Variants in PGBD1 observed in about 807,000 individuals in gnomAD.
PGBD1 encodes the protein piggyBac transposable element derived 1.
Under a neutral mutation model 34.7 loss-of-function variants are expected in PGBD1, and 25 were observed. That is an observed-to-expected ratio of 0.72 (90% CI 0.52 to 1.00). The LOEUF (loss-of-function observed/expected upper bound fraction) is 1.00. Ranked by LOEUF, PGBD1 falls within the 50% of genes least tolerant of loss-of-function variation. The pLI, the probability that PGBD1 is intolerant of heterozygous loss-of-function variation, is 0.00. For synonymous variants in PGBD1, 292 were observed against 335.7 expected (o/e 0.87, Z 1.42); for missense variants, 830 against 959.4 (o/e 0.87, Z 1.78).
At chr6:28,284,700 T>C (rs976456449) in intron 2 of PGBD1, among the ~76,000 whole-genome samples, 3 of 152,134 alleles carry the variant, frequency 2.0e-5, no homozygotes, top group Non-Finnish European at 4.4e-5. Flanking sequence ...TAATTTTTTG[T>C]AGCGGGGGTG....
intron 6 of PGBD1, among the ~76,000 whole-genome samples, chr6:28,298,247 G>A (rs1168285071): frequency 6.6e-6 from 1 of 152,092 alleles, no homozygotes; most frequent in African/African-American, 2.4e-5. Flanking sequence ...TGTCCTGCTT[G>A]ATTACCCTTC....
rs373974314 is a variant in PGBD1, at chr6:28,282,349, C to G, written c.-39+431C>G. Among the ~76,000 whole-genome samples, 26 of 152,268 alleles carry G rather than the reference C, an allele frequency of 1.7e-4. No individual in the cohort carries two copies. In the South Asian group the frequency reaches 2.1e-3, roughly 12 times the overall value. On this transcript the variant is annotated intron_variant, in intron 1 of 6. Transcript: ENST00000682144. ...GTTGATTGAGTGACAAACAAATCAGCAAAACCCAGTAAAGATTAGATCCTG... is the reference window on the plus strand; with the variant it reads ...GTTGATTGAGTGACAAACAAATCAGGAAAACCCAGTAAAGATTAGATCCTG...
intron 4 of PGBD1, among the ~76,000 whole-genome samples, chr6:28,294,878 G>C (rs6905368): frequency 0.15 from 22,747 of 152,226 alleles, 1,968 homozygotes; most frequent in South Asian, 0.24. Context: ...GGATCAAGGA[G>C]TAATTTTGAC....
At chr6:28,297,816 G>GTGTTTTT in intron 5 of PGBD1, 79 bp from the exon 6 acceptor site, 1 of 347,644 alleles carries the variant, frequency 2.9e-6, no homozygotes. Flanking sequence ...TACCCTGGAA[G>GTGTTTTT]TTTTTTTTTT....
At position 28,301,663 on chromosome 6, in the gene PGBD1, T is replaced by G; in HGVS notation, c.1809T>G (p.Gly603=). ...ATGAGGATCCTGATCTTGGGTTAGGTGGAAATCTAGTGATGAACTTCGCTG... is the reference window on the plus strand; with the variant it reads ...ATGAGGATCCTGATCTTGGGTTAGGGGGAAATCTAGTGATGAACTTCGCTG... ...KVDEDPDLGL[G]GNLVMNFADV... is the part of the protein sequence containing the mutation. The change falls in exon 7 of 7, where the codon GGT becomes GGG. Residue 603 remains glycine (G), a synonymous_variant. Transcript: ENST00000682144. The G allele has an allele frequency of 6.2e-7, 1 of 1,614,152 alleles. No individual in the cohort carries two copies. The highest frequency in any genetic ancestry group is 1.1e-5 in the South Asian group (1 of 91,080).
In PGBD1 at chr6:28,301,147, A is replaced by G. The variant is rs1380105735; in HGVS notation, c.1293A>G (p.Thr431=). 6.2e-7 allele frequency: 1 copy of G among 1,614,088 alleles called. No individual in the cohort carries two copies. Among genetic ancestry groups the G allele is most frequent in the Non-Finnish European group, 8.5e-7 (1 of 1,180,032 alleles). The change falls in exon 7 of 7, where the codon ACA becomes ACG. Residue 431 remains threonine (T), a synonymous_variant. Coordinates refer to ENST00000682144, the MANE Select transcript of PGBD1 (RefSeq NM_032507.4). ...ELFELFFDDE[T]FNLIVNETNN... ...TTGAATTATTTTTTGATGATGAAACATTCAACTTAATTGTCAATGAAACCA... is the reference window on the plus strand; with the variant it reads ...TTGAATTATTTTTTGATGATGAAACGTTCAACTTAATTGTCAATGAAACCA...
At chr6:28,284,432 C>G (rs1581627522) in intron 2 of PGBD1, among the ~76,000 whole-genome samples, 1 of 148,156 alleles carries the variant, frequency 6.7e-6, no homozygotes, top group African/African-American at 2.6e-5. Flanking sequence ...TCCCCCCCCC[C>G]AAGATGCATA....
In PGBD1 at chr6:28,300,679, A is replaced by G. The variant is rs1463452287; in HGVS notation, c.870-45A>G. 2.6e-6 allele frequency: 4 copies of G among 1,562,190 alleles called. No homozygotes were observed. The highest frequency in any genetic ancestry group is 3.5e-6 in the Non-Finnish European group (4 of 1,156,212). On this transcript the variant is annotated intron_variant, in intron 6 of 6. Transcript: ENST00000682144. This position sits in a 1 kb window ranked among gnomAD's most constrained non-coding sequence, Gnocchi z 4.0. ...CAGCAGATTTATCATGTGTGAGAGAATATGATTGAGGATTTTTATAACATG... is the reference window on the plus strand; with the variant it reads ...CAGCAGATTTATCATGTGTGAGAGAGTATGATTGAGGATTTTTATAACATG...
chr6:28,295,466 C>T (rs1762597584), intron 4 of PGBD1, among the ~76,000 whole-genome samples: 1 of 152,056 alleles, frequency 6.6e-6, no homozygotes, highest in Non-Finnish European at 1.5e-5. Context: ...AAGAGTCAAT[C>T]AAGGTGGCCA....
chr6:28,287,092 A>G lies in PGBD1; in HGVS notation c.566A>G (p.His189Arg). ...NPQEVSGPVP[H>R]GSAHLQEKNP... ...TCTCTCTCTGCAGGGCCTGTTCCCC[A>G]CGGATCAGCTCATCTCCAGGAAAAA... The change falls in exon 4 of 7, where the codon CAC becomes CGC. Residue 189 changes from histidine (H) to arginine (R), a missense_variant. Around this residue, in one of 3 missense-constraint regions of PGBD1, gnomAD observed 457 missense variants for 515.4 expected, o/e 0.89. Coordinates refer to ENST00000682144, the MANE Select transcript of PGBD1 (RefSeq NM_032507.4). 6.2e-7 allele frequency: 1 copy of G among 1,613,968 alleles called. No individual in the cohort carries two copies. The highest frequency in any genetic ancestry group is 8.5e-7 in the Non-Finnish European group (1 of 1,179,860).
At chr6:28,298,014 G>T in intron 6 of PGBD1, 23 bp downstream of exon 6, 4 of 1,473,538 alleles carry the variant, frequency 2.7e-6, no homozygotes, top group Non-Finnish European at 3.8e-6. Flanking sequence ...GGTCCTCAGT[G>T]AATCAAATCC....
chr6:28,301,306 C>T lies in PGBD1; in HGVS notation c.1452C>T (p.Thr484=), dbSNP rs116218584. 4.0e-5 allele frequency: 65 copies of T among 1,613,952 alleles called. 1 individual carries two copies. The highest frequency in any genetic ancestry group is 2.9e-4 in the South Asian group (26 of 91,066). The change falls in exon 7 of 7, where the codon ACC becomes ACT. Residue 484 remains threonine, a synonymous_variant. Coordinates refer to ENST00000682144, the MANE Select transcript of PGBD1 (RefSeq NM_032507.4). Reference sequence around the variant, plus strand: ...AAATGTATTGGGAAGTCTCTGACACCGATCAGAACCTGGTTAGAGATGCAA... The same window carrying T: ...AAATGTATTGGGAAGTCTCTGACACTGATCAGAACCTGGTTAGAGATGCAA... The part of the protein sequence containing the change: ...RREMYWEVSD[T]DQNLVRDAIR...
At position 28,300,874 on chromosome 6, in the gene PGBD1, A is replaced by G. The variant is rs1329724854; in HGVS notation, c.1020A>G (p.Arg340=). The part of the protein sequence containing the change: ...SLEYAAGDIT[R]KGRKKDKARV... ...AATATGCTGCAGGAGACATTACCCGAAAAGGGAGAAAAAAAGACAAAGCTC... is the reference window on the plus strand; with the variant it reads ...AATATGCTGCAGGAGACATTACCCGGAAAGGGAGAAAAAAAGACAAAGCTC... Residue 340 remains arginine, a synonymous_variant, in exon 7 of 7, where the codon CGA becomes CGG. Transcript: ENST00000682144. This position sits in a 1 kb window ranked among gnomAD's most constrained non-coding sequence, Gnocchi z 4.0. The G allele has an allele frequency of 6.2e-7, 1 of 1,613,922 alleles. No homozygotes were observed. Among genetic ancestry groups the G allele is most frequent in the Non-Finnish European group, 8.5e-7 (1 of 1,180,006 alleles).
At position 28,300,880 on chromosome 6, in the gene PGBD1, G is replaced by A. The variant is rs1038573909; in HGVS notation, c.1026G>A (p.Gly342=). ...CTGCAGGAGACATTACCCGAAAAGGGAGAAAAAAAGACAAAGCTCGAGTGA... is the reference window on the plus strand; with the variant it reads ...CTGCAGGAGACATTACCCGAAAAGGAAGAAAAAAAGACAAAGCTCGAGTGA... ...EYAAGDITRK[G]RKKDKARVSE... Residue 342 remains glycine (G), a synonymous_variant, in exon 7 of 7, where the codon GGG becomes GGA. Coordinates refer to ENST00000682144, the MANE Select transcript of PGBD1 (RefSeq NM_032507.4). This position sits in a 1 kb window ranked among gnomAD's most constrained non-coding sequence, Gnocchi z 4.0. 5.6e-6 allele frequency: 9 copies of A among 1,613,952 alleles called. No individual in the cohort carries two copies. The highest frequency in any genetic ancestry group is 6.8e-6 in the Non-Finnish European group (8 of 1,179,994).
intron 6 of PGBD1, 120 bp downstream of exon 6, chr6:28,298,111 CACTT>C (rs2113756615): frequency 1.4e-6 from 1 of 738,314 alleles, no homozygotes; most frequent in East Asian, 2.7e-5. Flanking sequence ...AACTGCCACT[CACTT>C]CTGTGATCAT....
intron 3 of PGBD1, among the ~76,000 whole-genome samples, chr6:28,286,751 T>G (rs1398875505): frequency 6.6e-6 from 1 of 152,158 alleles, no homozygotes; most frequent in Admixed American, 6.5e-5. Flanking sequence ...CTCTCCTTGA[T>G]CCTTCCTTTA....
At chr6:28,295,539 A>AT (rs1298071857) in intron 4 of PGBD1, among the ~76,000 whole-genome samples, 1 of 152,190 alleles carries the variant, frequency 6.6e-6, no homozygotes, top group Non-Finnish European at 1.5e-5. Context: ...CAACCACCAC[A>AT]TTGATTAGTC....
At chr6:28,296,714 G>C in intron 4 of PGBD1, 102 bp from the exon 5 acceptor site, 2 of 1,335,052 alleles carry the variant, frequency 1.5e-6, no homozygotes, top group Non-Finnish European at 2.1e-6. Context: ...TGCCCTGAGG[G>C]GCTGGGACTA....
chr6:28,297,590 C>A (rs1762684401), intron 5 of PGBD1, among the ~76,000 whole-genome samples: 1 of 151,694 alleles, frequency 6.6e-6, no homozygotes, highest in African/African-American at 2.4e-5. Flanking sequence ...TGGCCTGAAG[C>A]AGTCCTTCCA....
Sources: allele counts gnomAD v4.1 joint callset (sites outside exome capture counted in the v4.1 genomes callset), GRCh38; gene constraint gnomAD v4.1.1; regional missense constraint gnomAD v4.1.1; non-coding constraint Gnocchi (gnomAD v3.1); transcripts MANE v1.5; gene names NCBI Gene and HGNC (gene_info 2026-07-23, HGNC 2026-07-21).